Variants in KCNK3 observed in about 807,000 individuals in gnomAD.
KCNK3 encodes the protein potassium two pore domain channel subfamily K member 3, also known as potassium channel subfamily K member 3.
KCNK3 carries 9 observed loss-of-function variants against 27.3 expected under a neutral mutation model. The ratio of observed to expected loss-of-function variants is 0.33; its 90% CI spans 0.20 to 0.57. The LOEUF (loss-of-function observed/expected upper bound fraction) is 0.57. Ranked by LOEUF, KCNK3 falls within the 20% of genes least tolerant of loss-of-function variation. KCNK3 has a pLI of 0.87. For missense variants in KCNK3, 391 were observed against 577.7 expected, an observed-to-expected ratio of 0.68 and a Z score of 3.31; for synonymous variants, 278 against 273.8, an observed-to-expected ratio of 1.02 and a Z score of -0.15.
rs1663003 is a variant in KCNK3, at chr2:26,729,633, T to C, written c.*1065T>C. 0.97 allele frequency: 147,623 copies of C among 152,164 alleles called. 71,764 individuals carry two copies. Among genetic ancestry groups the C allele is most frequent in the East Asian group, 1 (5,166 of 5,166 alleles). 9.4% of individuals were successfully genotyped at this position (152,164 alleles called of 1,614,324 possible). On this transcript the variant is annotated 3_prime_UTR_variant, in exon 2 of 2. Transcript: ENST00000302909. ...GGAGGATTGCTTGAGCCCAGGAATT[T>C]GAGACCAGCCTAGGTGACATAGTGA... is the stretch of plus-strand genomic sequence containing the variant.
chr2:26,710,628 C>T (rs1184776519), intron 1 of KCNK3, among the ~76,000 whole-genome samples: 1 of 152,132 alleles, frequency 6.6e-6, no homozygotes, highest in African/African-American at 2.4e-5. Context: ...TCCAGCCTGG[C>T]TCCCCTTCCC....
chr2:26,714,915 A>AAATG (rs370313457), intron 1 of KCNK3, among the ~76,000 whole-genome samples: 5 of 151,672 alleles, frequency 3.3e-5, no homozygotes, highest in African/African-American at 1.2e-4. Flanking sequence ...ATAAATAAAT[A>AAATG]AGGAGGGATG....
intron 1 of KCNK3, among the ~76,000 whole-genome samples, chr2:26,705,965 G>A (rs973363139): frequency 6.6e-6 from 1 of 152,156 alleles, no homozygotes; most frequent in Admixed American, 6.5e-5. Flanking sequence ...ATGGGTGTGA[G>A]GACCCTGCCC....
In KCNK3 at chr2:26,731,993, G is replaced by A. The variant is rs1171324886; in HGVS notation, c.*3425G>A. ...TAGGGGCCCCCTGGCTGAGTGGCCT[G>A]ATTGACTAAAACATATGTCTTTGAA... is the stretch of plus-strand genomic sequence containing the variant. On this transcript the variant is annotated 3_prime_UTR_variant, in exon 2 of 2. Coordinates refer to ENST00000302909, the MANE Select transcript of KCNK3 (RefSeq NM_002246.3). 6.6e-6 allele frequency: 1 copy of A among 152,220 alleles called. No individual in the cohort carries two copies. Among genetic ancestry groups the A allele is most frequent in the Non-Finnish European group, 1.5e-5 (1 of 68,036 alleles). The allele number at this position is 152,220 out of a possible 1,614,324, so 9.4% of individuals were successfully genotyped here.
At chr2:26,707,470 G>A (rs1437522704) in intron 1 of KCNK3, among the ~76,000 whole-genome samples, 2 of 152,374 alleles carry the variant, frequency 1.3e-5, no homozygotes, top group Non-Finnish European at 2.9e-5. Flanking sequence ...ACCGGGAGCT[G>A]TGTTCTGCTC....
Position 26,728,179 on chromosome 2 carries a change from C to G in KCNK3, c.796C>G (p.Arg266Gly), listed in dbSNP as rs995687762. 1.9e-6 allele frequency: 3 copies of G among 1,572,262 alleles called. No homozygotes were observed. The highest frequency in any genetic ancestry group is 2.6e-6 in the Non-Finnish European group (3 of 1,158,892). The change falls in exon 2 of 2, where the codon CGC (arginine) becomes GGC (glycine). Residue 266 changes from arginine to glycine, a missense_variant. Around this residue, in one of 4 missense-constraint regions of KCNK3, gnomAD observed 192 missense variants for 196.0 expected, o/e 0.98. Transcript: ENST00000302909. ...RDAEHRALLT[R>G]NGQAGGGGGG... Reference sequence around the variant, plus strand: ...CGCCGAGCACCGCGCGCTGCTCACGCGCAACGGGCAGGCGGGCGGCGGCGG... The same window carrying G: ...CGCCGAGCACCGCGCGCTGCTCACGGGCAACGGGCAGGCGGGCGGCGGCGG...
intron 1 of KCNK3, among the ~76,000 whole-genome samples, chr2:26,718,306 G>A (rs930051102): frequency 6.6e-6 from 1 of 152,086 alleles, no homozygotes; most frequent in African/African-American, 2.4e-5. Flanking sequence ...GCCTTAAAAC[G>A]AAGACTTCAT....
At chr2:26,715,748 C>A (rs1465143797) in intron 1 of KCNK3, among the ~76,000 whole-genome samples, 1 of 152,196 alleles carries the variant, frequency 6.6e-6, no homozygotes, top group Non-Finnish European at 1.5e-5. Context: ...TCCGCTTCAG[C>A]TGGGGAATGT....
chr2:26,695,252 C>T (rs187695909), intron 1 of KCNK3, among the ~76,000 whole-genome samples: 1 of 152,242 alleles, frequency 6.6e-6, no homozygotes, highest in Admixed American at 6.5e-5. Context: ...AAGAGTCTCA[C>T]TCTGTCTCAC....
At position 26,732,315 on chromosome 2, in the gene KCNK3, G is replaced by A. The variant is rs1274072689; in HGVS notation, c.*3747G>A. On this transcript the variant is annotated 3_prime_UTR_variant, in exon 2 of 2. Coordinates refer to ENST00000302909, the MANE Select transcript of KCNK3 (RefSeq NM_002246.3). ...ACAGCCAATGATTCTAATACGTTCT[G>A]TTCTATTGCATGTTATAAAATGCTG... is the stretch of plus-strand genomic sequence containing the variant. 1 of 152,156 alleles carries A rather than the reference G, an allele frequency of 6.6e-6. No individual in the cohort carries two copies. The highest frequency in any genetic ancestry group is 2.4e-5 in the African/African-American group (1 of 41,416). The allele number at this position is 152,156 out of a possible 1,614,324, so 9.4% of individuals were successfully genotyped here.
intron 1 of KCNK3, among the ~76,000 whole-genome samples, chr2:26,695,186 G>T (rs1670219824): frequency 6.6e-6 from 1 of 152,148 alleles, no homozygotes. Context: ...AAGTATGCCT[G>T]TCTGGCATGC....
At chr2:26,704,688 G>T (rs541633190) in intron 1 of KCNK3, among the ~76,000 whole-genome samples, 1 of 152,358 alleles carries the variant, frequency 6.6e-6, no homozygotes, top group South Asian at 2.1e-4. Flanking sequence ...CCCCCTGCCC[G>T]TGCAGAGGAG....
At position 26,701,897 on chromosome 2, in the gene KCNK3, G is replaced by T. The variant is rs527388066; in HGVS notation, c.283+8739G>T. ...GGAGATTGCAGTGAGCCAAGAAAGC[G>T]CCACTGTACTCCAGCCTGGGCAACA... is the stretch of plus-strand genomic sequence containing the variant. On this transcript the variant is annotated intron_variant, in intron 1 of 1. Coordinates refer to ENST00000302909, the MANE Select transcript of KCNK3 (RefSeq NM_002246.3). Among the ~76,000 whole-genome samples the T allele has an allele frequency of 9.9e-5, 15 of 152,242 alleles. No individual in the cohort carries two copies. In the South Asian group the frequency reaches 2.9e-3, roughly 30 times the overall value.
intron 1 of KCNK3, chr2:26,724,521 A>G: frequency 1.2e-6 from 1 of 850,224 alleles, no homozygotes; most frequent in African/African-American, 1.8e-5. Flanking sequence ...GTGACCTTGT[A>G]AGAAGTTTTT....
chr2:26,704,293 G>T (rs1670343754), intron 1 of KCNK3, among the ~76,000 whole-genome samples: 1 of 152,124 alleles, frequency 6.6e-6, no homozygotes, highest in Admixed American at 6.5e-5. Context: ...AGATGATGCT[G>T]CCATCCAACA....
At chr2:26,703,358 G>C (rs1670332912) in intron 1 of KCNK3, among the ~76,000 whole-genome samples, 1 of 152,156 alleles carries the variant, frequency 6.6e-6, no homozygotes, top group Admixed American at 6.6e-5. Flanking sequence ...TGAACAACTA[G>C]GGGCTTTAGC....
chr2:26,704,776 A>T (rs1670351784), intron 1 of KCNK3, among the ~76,000 whole-genome samples: 2 of 152,226 alleles, frequency 1.3e-5, no homozygotes, highest in South Asian at 2.1e-4. Context: ...CAACAGATGG[A>T]TCTGCCCTGG....
rs1267475466 is a variant in KCNK3 at position 26,728,849 on chromosome 2, C to T, written c.*281C>T. The stretch of plus-strand genomic sequence containing the variant: ...GGCAGAAGCTGGGAGCCTCCCTTCC[C>T]TTTGAAAATCTAAGAAGCTCCCAGT... On this transcript the variant is annotated 3_prime_UTR_variant, in exon 2 of 2. Coordinates refer to ENST00000302909, the MANE Select transcript of KCNK3 (RefSeq NM_002246.3). 8.3e-6 allele frequency: 3 copies of T among 361,984 alleles called. No individual in the cohort carries two copies. The highest frequency in any genetic ancestry group is 1.5e-5 in the Non-Finnish European group (3 of 202,898). The allele number at this position is 361,984 out of a possible 1,614,324, so 22.4% of individuals were successfully genotyped here.
At chr2:26,711,782 A>C (rs972771429) in intron 1 of KCNK3, among the ~76,000 whole-genome samples, 3 of 152,294 alleles carry the variant, frequency 2.0e-5, no homozygotes, top group South Asian at 4.1e-4. Context: ...TGAATTGGAG[A>C]GGAGGATCAG....
Sources: gnomAD v4.1 joint callset for allele counts (sites outside exome capture counted in the v4.1 genomes callset) on GRCh38, gnomAD v4.1.1 for gene constraint, gnomAD v4.1.1 regional missense constraint, MANE v1.5 for transcripts, NCBI Gene and HGNC (gene_info 2026-07-23, HGNC 2026-07-21) for gene names.